Variants in GRB2 observed in about 807,000 individuals in gnomAD.
GRB2 encodes the protein growth factor receptor bound protein 2, also known as growth factor receptor-bound protein 2.
A neutral mutation model predicts 27.4 loss-of-function variants in GRB2; 2 were observed. The ratio of observed to expected loss-of-function variants is 0.07; its 90% CI spans 0.03 to 0.23. The LOEUF (loss-of-function observed/expected upper bound fraction) is 0.23, where lower values mean the gene tolerates loss of function less well. Ranked by LOEUF, GRB2 falls within the 10% of genes least tolerant of loss-of-function variation. The pLI is 1.00. For missense variants in GRB2, 102 were observed against 282.4 expected, an observed-to-expected ratio of 0.36 and a Z score of 4.58; for synonymous variants, 94 against 99.6, an observed-to-expected ratio of 0.94 and a Z score of 0.33.
At chr17:75,368,604 T>C (rs1216256466) in intron 2 of GRB2, among the ~76,000 whole-genome samples, 2 of 151,610 alleles carry the variant, frequency 1.3e-5, no homozygotes, top group East Asian at 1.9e-4. Context: ...GGTGAGATCA[T>C]AGCTCACTGC....
chr17:75,382,507 TC>T (rs1197916003), intron 2 of GRB2, among the ~76,000 whole-genome samples: 1 of 152,196 alleles, frequency 6.6e-6, no homozygotes, highest in Non-Finnish European at 1.5e-5. Context: ...AACAGGCACT[TC>T]CTTTGAGTGC....
chr17:75,360,205 TTTA>T (rs2078770503), intron 2 of GRB2, among the ~76,000 whole-genome samples: 1 of 152,036 alleles, frequency 6.6e-6, no homozygotes, highest in African/African-American at 2.4e-5. Context: ...TTTACTCTGT[TTTA>T]TTTTTATTCA....
Position 75,320,491 on chromosome 17 carries a change from G to A in GRB2, c.531C>T (p.Phe177=), listed in dbSNP as rs1324690970. The A allele has an allele frequency of 1.1e-5, 17 of 1,613,916 alleles. No individual in the cohort carries two copies. The highest frequency in any genetic ancestry group is 1.3e-5 in the Non-Finnish European group (15 of 1,179,950). Residue 177 remains phenylalanine (F), a synonymous_variant, in exon 6 of 6, where the codon TTC becomes TTT. Transcript: ENST00000316804. The surrounding 1 kb of genome is among the most constrained non-coding windows in gnomAD (Gnocchi z 4.3). ...FDPQEDGELG[F]RRGDFIHVMD... is the part of the protein sequence containing the mutation. ...TGACATGGATAAAATCTCCCCGGCG[G>A]AAGCCCAGCTCTCCATCCTCCTGGG...
At chr17:75,396,672 G>A (rs774563622) in intron 1 of GRB2, among the ~76,000 whole-genome samples, 2 of 152,122 alleles carry the variant, frequency 1.3e-5, no homozygotes, top group Non-Finnish European at 2.9e-5. Context: ...ACAGGGGAGA[G>A]TGAGCCACCA....
chr17:75,363,055 GC>G (rs1366638139), intron 2 of GRB2, among the ~76,000 whole-genome samples: 1 of 152,116 alleles, frequency 6.6e-6, no homozygotes, highest in Non-Finnish European at 1.5e-5. Flanking sequence ...CCTTTTAAAA[GC>G]CCAGCAGACA....
At chr17:75,353,584 A>AC (rs2078708122) in intron 2 of GRB2, among the ~76,000 whole-genome samples, 1 of 150,230 alleles carries the variant, frequency 6.7e-6, no homozygotes, top group African/African-American at 2.4e-5. Context: ...ACACGGTGAA[A>AC]CCCCGCCTCT....
intron 2 of GRB2, among the ~76,000 whole-genome samples, chr17:75,350,888 A>C (rs2078687869): frequency 6.6e-6 from 1 of 152,188 alleles, no homozygotes; most frequent in Non-Finnish European, 1.5e-5. Context: ...AGCAAGAAAC[A>C]TTCCAGGCAG....
At chr17:75,352,470 G>A (rs1010829937) in intron 2 of GRB2, among the ~76,000 whole-genome samples, 2 of 151,948 alleles carry the variant, frequency 1.3e-5, no homozygotes, top group African/African-American at 4.9e-5. Flanking sequence ...ATTTCATGTT[G>A]TGCTTAAAGG....
intron 1 of GRB2, among the ~76,000 whole-genome samples, chr17:75,401,396 G>A (rs2145878407): frequency 7.4e-6 from 1 of 135,946 alleles, no homozygotes; most frequent in African/African-American, 2.7e-5. Flanking sequence ...AGTGAGCCGA[G>A]ATTGCGCCAC....
intron 1 of GRB2, among the ~76,000 whole-genome samples, chr17:75,401,518 T>C (rs9894395): frequency 1.1e-3 from 164 of 152,042 alleles, no homozygotes; most frequent in African/African-American, 3.9e-3. Flanking sequence ...AGAACACTTT[T>C]ACTTTCTGCA....
At chr17:75,340,517 A>G (rs925290888) in intron 2 of GRB2, among the ~76,000 whole-genome samples, 1 of 152,238 alleles carries the variant, frequency 6.6e-6, no homozygotes, top group Non-Finnish European at 1.5e-5. Flanking sequence ...GAAAAGAGAA[A>G]ACACACATGC....
chr17:75,377,470 G>C (rs1429830112), intron 2 of GRB2, among the ~76,000 whole-genome samples: 5 of 151,226 alleles, frequency 3.3e-5, no homozygotes, highest in African/African-American at 4.9e-5. Context: ...AATACAAAAA[G>C]TTAGCTGGGC....
At chr17:75,352,932 T>A (rs1437742349) in intron 2 of GRB2, among the ~76,000 whole-genome samples, 2 of 150,940 alleles carry the variant, frequency 1.3e-5, no homozygotes, top group African/African-American at 2.4e-5. Context: ...ACGCCTGTAA[T>A]CCCAGCACTT....
At chr17:75,357,129 A>G (rs1213175852) in intron 2 of GRB2, among the ~76,000 whole-genome samples, 1 of 152,234 alleles carries the variant, frequency 6.6e-6, no homozygotes. Context: ...CACCATCAGA[A>G]TCTTCTGAAT....
At chr17:75,329,719 C>A (rs2078526273) in intron 3 of GRB2, among the ~76,000 whole-genome samples, 2 of 151,904 alleles carry the variant, frequency 1.3e-5, no homozygotes, top group South Asian at 2.1e-4. Context: ...ACAGTGAGAC[C>A]CTGTCTCTAC....
At chr17:75,352,489 G>A (rs1336038754) in intron 2 of GRB2, among the ~76,000 whole-genome samples, 1 of 152,190 alleles carries the variant, frequency 6.6e-6, no homozygotes, top group East Asian at 1.9e-4. Flanking sequence ...GGAGAAATGT[G>A]TGTACAATCC....
At chr17:75,390,851 T>C (rs2078993956) in intron 2 of GRB2, among the ~76,000 whole-genome samples, 1 of 152,238 alleles carries the variant, frequency 6.6e-6, no homozygotes, top group Non-Finnish European at 1.5e-5. Context: ...AATATCCATA[T>C]GCACGTCTCC....
At chr17:75,359,460 C>A (rs970786126) in intron 2 of GRB2, among the ~76,000 whole-genome samples, 1 of 151,716 alleles carries the variant, frequency 6.6e-6, no homozygotes, top group Admixed American at 6.6e-5. Context: ...GAGCTATGAT[C>A]ATGCCACTGC....
intron 1 of GRB2, among the ~76,000 whole-genome samples, chr17:75,395,384 A>G (rs1409256256): frequency 6.6e-6 from 1 of 152,208 alleles, no homozygotes; most frequent in African/African-American, 2.4e-5. Context: ...CCCAGCAAAT[A>G]TTAAAAAATA....
Sources: allele counts gnomAD v4.1 joint callset (sites outside exome capture counted in the v4.1 genomes callset), GRCh38; gene constraint gnomAD v4.1.1; non-coding constraint Gnocchi (gnomAD v3.1); transcripts MANE v1.5; gene names NCBI Gene and HGNC (gene_info 2026-07-23, HGNC 2026-07-21).